ZMYM6: variants seen among roughly 807,000 people sequenced by gnomAD.
ZMYM6 encodes zinc finger MYM-type containing 6.
In ZMYM6, 90 loss-of-function variants were observed where a neutral mutation model predicts 134.0. The observed-to-expected ratio is 0.67, with a 90% CI of 0.57 to 0.80. The LOEUF is 0.80. Among genes scored for constraint, ZMYM6 ranks in the 30% least tolerant of loss-of-function variants. The pLI, the probability that ZMYM6 is intolerant of heterozygous loss-of-function variation, is 0.00. For missense variants in ZMYM6, 1,362 were observed against 1,533.9 expected (o/e 0.89, Z 1.87); for synonymous variants, 481 against 524.1 (o/e 0.92, Z 1.12).
Position 34,988,412 on chromosome 1 carries a change from T to C in ZMYM6, c.2670A>G (p.Leu890=). Residue 890 remains leucine (L), a synonymous_variant, in exon 16 of 16, where the codon CTA becomes CTG. Transcript: ENST00000357182. ...TCAGCTGGTCTTCAATGTCTGCAGA[T>C]AGTTCATCAATCCTGTGTTGAATTG... The part of the protein sequence containing the change: ...NVTIQHRIDE[L]SADIEDQLIQ... 1.3e-6 allele frequency: 2 copies of C among 1,551,634 alleles called. No homozygotes were observed. Among genetic ancestry groups the C allele is most frequent in the African/African-American group, 1.4e-5 (1 of 73,180 alleles).
intron 14 of ZMYM6, among the ~76,000 whole-genome samples, chr1:34,999,126 C>A (rs942654336): frequency 6.6e-6 from 1 of 152,084 alleles, no homozygotes; most frequent in Non-Finnish European, 1.5e-5. Flanking sequence ...AATAAAACCA[C>A]AGGACTGCAT....
In ZMYM6 at chr1:35,019,489, T is replaced by A; in HGVS notation, c.292A>T (p.Met98Leu). The change falls in exon 4 of 16, where the codon ATG becomes TTG. Residue 98 changes from methionine (M) to leucine (L), a missense_variant. Transcript: ENST00000357182. ...TATGCAGTTTGGCCCTTATAAAGCATTTTTTTACAACCAGAACAAAAAACC... is the reference window on the plus strand; with the variant it reads ...TATGCAGTTTGGCCCTTATAAAGCAATTTTTTACAACCAGAACAAAAAACC... ...IKVFCSGCKK[M>L]LYKGQTAYHK... 4 of 1,614,026 alleles carry A rather than the reference T, an allele frequency of 2.5e-6. No homozygotes were observed. The highest frequency in any genetic ancestry group is 3.4e-6 in the Non-Finnish European group (4 of 1,180,010).
At chr1:35,015,353 ATC>A in intron 4 of ZMYM6, among the ~76,000 whole-genome samples, 191 bp from the exon 5 acceptor site, 1 of 152,196 alleles carries the variant, frequency 6.6e-6, no homozygotes, top group Middle Eastern at 3.4e-3. Flanking sequence ...TGTAATTACT[ATC>A]TCAATTTCTT....
intron 15 of ZMYM6, chr1:34,992,000 A>G: frequency 1.8e-6 from 1 of 557,336 alleles, no homozygotes. Context: ...TTAAATCACT[A>G]ATGCTTTTAA....
rs1467072591 is a variant in ZMYM6 at position 35,015,025 on chromosome 1, A to G, written c.566T>C (p.Ile189Thr). 1 of 1,613,136 alleles carries G rather than the reference A, an allele frequency of 6.2e-7. No homozygotes were observed. The highest frequency in any genetic ancestry group is 1.3e-5 in the African/African-American group (1 of 74,954). The change falls in exon 5 of 16, where the codon ATT becomes ACT. Residue 189 changes from isoleucine to threonine, a missense_variant. Ile to Thr is a moderately conservative substitution (Grantham distance 89). Around this residue, in one of 3 missense-constraint regions of ZMYM6, gnomAD observed 503 missense variants for 520.8 expected, o/e 0.97. Transcript: ENST00000357182. The part of the protein sequence containing the change: ...KPVVTIYTKS[I>T]STKCSMCQKN... ...CTGACACATACTGCACTTAGTTGAA[A>G]TGCTTTTGGTATATATGGTAACAAC...
At chr1:35,000,060 G>A (rs13375531) in intron 14 of ZMYM6, among the ~76,000 whole-genome samples, 32,676 of 151,840 alleles carry the variant, frequency 0.22, 8,380 homozygotes, top group African/African-American at 0.61. Flanking sequence ...AGCCTCCCAA[G>A]TAGCTGAGAC....
At position 34,987,908 on chromosome 1, in the gene ZMYM6, T is replaced by C; in HGVS notation, c.3174A>G (p.Gly1058=). The change falls in exon 16 of 16, where the codon GGA becomes GGG. Residue 1058 remains glycine, a synonymous_variant. Coordinates refer to ENST00000357182, the MANE Select transcript of ZMYM6 (RefSeq NM_007167.4). ...GAAGCGGTAAACTCACATGCTCAGATCCCATCTCTTCACACAAAATTGTTA... is the reference window on the plus strand; with the variant it reads ...GAAGCGGTAAACTCACATGCTCAGACCCCATCTCTTCACACAAAATTGTTA... ...RMLTILCEEM[G]SEHVSLPLHA... is the part of the protein sequence containing the mutation. 1 of 1,551,674 alleles carries C rather than the reference T, an allele frequency of 6.4e-7. No individual in the cohort carries two copies. The highest frequency in any genetic ancestry group is 8.7e-7 in the Non-Finnish European group (1 of 1,146,976).
At chr1:35,025,466 C>CAAAAAA (rs1161814959) in intron 2 of ZMYM6, among the ~76,000 whole-genome samples, 4 of 54,960 alleles carry the variant, frequency 7.3e-5, no homozygotes, top group South Asian at 1.9e-3. Context: ...GACTCCATCC[C>CAAAAAA]AAAAAAAAAA....
chr1:35,021,108 G>GA (rs1231609975), intron 2 of ZMYM6, among the ~76,000 whole-genome samples: 135 of 139,130 alleles, frequency 9.7e-4, no homozygotes, highest in Non-Finnish European at 1.3e-3. Flanking sequence ...GGTAATAAAT[G>GA]AAAAAAAAAA....
At chr1:34,997,234 T>C (rs1194716062) in intron 14 of ZMYM6, among the ~76,000 whole-genome samples, 1 of 152,244 alleles carries the variant, frequency 6.6e-6, no homozygotes, top group Non-Finnish European at 1.5e-5. Context: ...TAAATATCTT[T>C]GCATATGTTA....
chr1:35,023,813 G>A (rs1009505469), intron 2 of ZMYM6, among the ~76,000 whole-genome samples: 89 of 151,610 alleles, frequency 5.9e-4, no homozygotes, highest in Admixed American at 1.5e-3. Context: ...TAGTAGAGAC[G>A]GGGTTTCACC....
At chr1:35,004,096 G>T in intron 13 of ZMYM6, 91 bp from the exon 14 acceptor site, 1 of 1,157,586 alleles carries the variant, frequency 8.6e-7, no homozygotes, top group Non-Finnish European at 1.3e-6. Flanking sequence ...ATTAAGCTGG[G>T]CTAGAGTCTA....
At chr1:34,997,080 G>A (rs1171872241) in intron 14 of ZMYM6, among the ~76,000 whole-genome samples, 18 of 152,140 alleles carry the variant, frequency 1.2e-4, no homozygotes, top group Admixed American at 1.2e-3. Context: ...ATTTTAACAG[G>A]TTCTACTAAA....
chr1:35,021,260 C>G (rs1336353251), intron 2 of ZMYM6, among the ~76,000 whole-genome samples: 1 of 151,690 alleles, frequency 6.6e-6, no homozygotes, highest in East Asian at 2.0e-4. Flanking sequence ...CCTGCCTCAG[C>G]CTCCCAAGTA....
At chr1:35,020,922 A>C (rs982340790) in intron 2 of ZMYM6, among the ~76,000 whole-genome samples, 1 of 151,854 alleles carries the variant, frequency 6.6e-6, no homozygotes, top group Non-Finnish European at 1.5e-5. Context: ...AGCACCTCAA[A>C]AGTCAAAATT....
chr1:35,030,553 A>T lies in ZMYM6; in HGVS notation c.87T>A (p.Asn29Lys). The change falls in exon 2 of 16, where the codon AAT becomes AAA. Residue 29 changes from asparagine to lysine, a missense_variant. Transcript: ENST00000357182. Reference protein sequence around the residue: ...LLDKIKEEPDNAQEYGCVQQP... With the variant: ...LLDKIKEEPDKAQEYGCVQQP... ...ATGAAGATGAAATGCTTACTTGAGC[A>T]TTGTCTGGTTCTTCTTTAATTTTGT... 2 of 1,608,122 alleles carry T rather than the reference A, an allele frequency of 1.2e-6. No individual in the cohort carries two copies. Among genetic ancestry groups the T allele is most frequent in the Non-Finnish European group, 1.7e-6 (2 of 1,178,920 alleles).
intron 15 of ZMYM6, among the ~76,000 whole-genome samples, chr1:34,991,621 T>C (rs979682062): frequency 6.6e-6 from 1 of 151,954 alleles, no homozygotes; most frequent in African/African-American, 2.4e-5. Context: ...AATACAAAAA[T>C]TAGCCGGGCA....
chr1:35,006,904 T>C (rs1156499330), intron 12 of ZMYM6, 47 bp downstream of exon 12: 7 of 1,500,918 alleles, frequency 4.7e-6, no homozygotes, highest in Admixed American at 2.2e-5. Context: ...ATGCTGATAG[T>C]GTCCTAGCAC....
chr1:35,013,091 T>C (rs2148454320), intron 6 of ZMYM6: 1 of 893,428 alleles, frequency 1.1e-6, no homozygotes, highest in Non-Finnish European at 1.3e-6. Flanking sequence ...AGTTTATTCA[T>C]GTTTTAAGAA....
Sources: gnomAD v4.1 joint callset for allele counts (sites outside exome capture counted in the v4.1 genomes callset) on GRCh38, gnomAD v4.1.1 for gene constraint, gnomAD v4.1.1 regional missense constraint, MANE v1.5 for transcripts, NCBI Gene and HGNC (gene_info 2026-07-23, HGNC 2026-07-21) for gene names.